The following WDFY3 variants were observed in gnomAD, a reference collection of about 807,000 sequenced individuals.
WDFY3 encodes WD repeat and FYVE domain containing 3.
Under a neutral mutation model 409.6 loss-of-function variants are expected in WDFY3, and 66 were observed. The observed-to-expected ratio is 0.16, with a 90% CI of 0.13 to 0.20. The LOEUF (loss-of-function observed/expected upper bound fraction) is 0.20. Among genes scored for constraint, WDFY3 ranks in the 10% least tolerant of loss-of-function variants. The pLI is 1.00. For synonymous variants in WDFY3, 1,521 were observed against 1,537.1 expected (o/e 0.99, Z 0.25); for missense variants, 3,031 against 4,298.1 (o/e 0.71, Z 8.24).
intron 27 of WDFY3, among the ~76,000 whole-genome samples, chr4:84,775,493 G>T (rs911594483): frequency 6.6e-6 from 1 of 151,460 alleles, no homozygotes; most frequent in Non-Finnish European, 1.5e-5. Flanking sequence ...ATACTGGACG[G>T]CATTAATAGT....
chr4:84,836,672 T>C (rs1756618235), intron 7 of WDFY3, among the ~76,000 whole-genome samples: 1 of 152,138 alleles, frequency 6.6e-6, no homozygotes, highest in African/African-American at 2.4e-5. Flanking sequence ...CATTCTGATA[T>C]ATCAAAAGTA....
chr4:84,860,191 G>C (rs1760408502), intron 4 of WDFY3, among the ~76,000 whole-genome samples: 1 of 152,132 alleles, frequency 6.6e-6, no homozygotes, highest in Non-Finnish European at 1.5e-5. Flanking sequence ...CACTTTATCT[G>C]TTAAAAATCA....
chr4:84,885,327 C>CATATGT (rs1764056101), intron 3 of WDFY3, among the ~76,000 whole-genome samples: 1 of 83,724 alleles, frequency 1.2e-5, no homozygotes, highest in South Asian at 5.0e-4. Context: ...CATACATATA[C>CATATGT]ATATGTGTGT....
At chr4:84,848,937 T>G (rs532161329) in intron 5 of WDFY3, among the ~76,000 whole-genome samples, 84 of 152,236 alleles carry the variant, frequency 5.5e-4, no homozygotes, top group African/African-American at 1.9e-3. Flanking sequence ...TCCTGGCAGC[T>G]GAAAGGTTGT....
intron 37 of WDFY3, among the ~76,000 whole-genome samples, chr4:84,743,005 T>G (rs761782208): frequency 5.3e-5 from 8 of 152,200 alleles, no homozygotes; most frequent in African/African-American, 1.7e-4. Flanking sequence ...AAAGTGTGAA[T>G]TGACTTGAGA....
intron 56 of WDFY3, among the ~76,000 whole-genome samples, chr4:84,697,485 T>G (rs1376549298): frequency 1.3e-5 from 2 of 152,240 alleles, no homozygotes; most frequent in Non-Finnish European, 2.9e-5. Flanking sequence ...AATAACATGT[T>G]GTGATAAAGC....
chr4:84,886,652 GGGAAGGAAGGAA>G (rs1764272033), intron 3 of WDFY3, among the ~76,000 whole-genome samples: 1 of 152,030 alleles, frequency 6.6e-6, no homozygotes, highest in Non-Finnish European at 1.5e-5. Context: ...TATTTAGAGA[GGGAAGGAAGGAA>G]GGGAGGAAGG....
intron 37 of WDFY3, 83 bp from the exon 38 acceptor site, chr4:84,742,004 A>C (rs1578323840): frequency 1.5e-6 from 2 of 1,325,314 alleles, no homozygotes; most frequent in East Asian, 2.5e-5. Flanking sequence ...AATCAGGCTA[A>C]GGTAAAATAA....
Position 84,757,183 on chromosome 4 carries a change from A to T in WDFY3, c.5189-22T>A, listed in dbSNP as rs751887587. The T allele has an allele frequency of 1.0e-5, 16 of 1,601,172 alleles. No individual in the cohort carries two copies. In the East Asian group the frequency reaches 3.6e-4, roughly 36 times the overall value. On this transcript the variant is annotated intron_variant, in intron 32 of 67. Transcript: ENST00000295888. ...AATCCTAAGAGAAGAGGAATATAAC[A>T]GTAAGTGCAAAATCAGCAACTGATA...
chr4:84,950,298 T>C (rs1390808215), intron 1 of WDFY3, among the ~76,000 whole-genome samples: 2 of 150,600 alleles, frequency 1.3e-5, no homozygotes, highest in African/African-American at 2.5e-5. Context: ...CCCTAATGCA[T>C]GAGGGGTTTA....
At chr4:84,735,199 C>T (rs1737233070) in intron 42 of WDFY3, 79 bp from the exon 43 acceptor site, 3 of 1,258,662 alleles carry the variant, frequency 2.4e-6, no homozygotes, top group Admixed American at 2.2e-5. Flanking sequence ...GAAATTAATG[C>T]TAAATAATTG....
chr4:84,764,736 G>T (rs1743322103), intron 32 of WDFY3, among the ~76,000 whole-genome samples: 1 of 151,884 alleles, frequency 6.6e-6, no homozygotes, highest in Admixed American at 6.6e-5. Flanking sequence ...GGGCGTGGTG[G>T]CAGGCGCCTG....
At chr4:84,811,707 C>T (rs992282625) in intron 13 of WDFY3, among the ~76,000 whole-genome samples, 1 of 152,016 alleles carries the variant, frequency 6.6e-6, no homozygotes, top group African/African-American at 2.4e-5. Context: ...CCAATCATCG[C>T]ATTTGAAAAA....
chr4:84,814,139 A>G (rs1752923015), intron 13 of WDFY3, among the ~76,000 whole-genome samples: 1 of 152,210 alleles, frequency 6.6e-6, no homozygotes, highest in African/African-American at 2.4e-5. Context: ...CCACTATGGC[A>G]TAAGGATTAT....
chr4:84,759,285 G>A lies in WDFY3; in HGVS notation c.5189-2124C>T, dbSNP rs148301667. ...TGGCTTAGGATTGACTTGGGGATGC[G>A]GGCTCTTTTTTGGTTCCATATGAAT... On this transcript the variant is annotated intron_variant, in intron 32 of 67. Transcript: ENST00000295888. Among the ~76,000 whole-genome samples, 1,017 of 152,134 alleles carry A rather than the reference G, an allele frequency of 6.7e-3. 11 individuals are homozygous for A. The highest frequency in any genetic ancestry group is 0.023 in the African/African-American group (946 of 41,492).
At chr4:84,892,129 G>A (rs1765038703) in intron 3 of WDFY3, among the ~76,000 whole-genome samples, 1 of 150,098 alleles carries the variant, frequency 6.7e-6, no homozygotes, top group Non-Finnish European at 1.5e-5. Flanking sequence ...GAGTTACAAA[G>A]GATGGCATTA....
At position 84,810,142 on chromosome 4, in the gene WDFY3, C is replaced by T. The variant is rs370543988; in HGVS notation, c.2090G>A (p.Arg697His). 8.1e-6 allele frequency: 13 copies of T among 1,614,120 alleles called. No individual in the cohort carries two copies. Among genetic ancestry groups the T allele is most frequent in the East Asian group, 4.5e-5 (2 of 44,882 alleles). ...TVFCTLTAAMRYEPANSHFFK... is the reference protein window; with the variant it reads ...TVFCTLTAAMHYEPANSHFFK... Reference sequence around the variant, plus strand: ...GAAATGAGAGTTGGCTGGCTCATAGCGCATTGCTGCAGTCAACGTGCAGAA... The same window carrying T: ...GAAATGAGAGTTGGCTGGCTCATAGTGCATTGCTGCAGTCAACGTGCAGAA... Residue 697 changes from arginine to histidine, a missense_variant, in exon 14 of 68, where the codon CGC becomes CAC. Transcript: ENST00000295888.
At chr4:84,721,348 T>C in intron 47 of WDFY3, 61 bp downstream of exon 47, 1 of 1,585,592 alleles carries the variant, frequency 6.3e-7, no homozygotes, top group Admixed American at 1.7e-5. Flanking sequence ...TATCAACTCA[T>C]CTTGTCTTAA....
intron 4 of WDFY3, among the ~76,000 whole-genome samples, chr4:84,857,325 A>G (rs1472252767): frequency 6.6e-6 from 1 of 152,196 alleles, no homozygotes; most frequent in Non-Finnish European, 1.5e-5. Context: ...AATAGTCATG[A>G]GATTCTTCTA....
Sources: allele counts gnomAD v4.1 joint callset (sites outside exome capture counted in the v4.1 genomes callset), GRCh38; gene constraint gnomAD v4.1.1; transcripts MANE v1.5; gene names NCBI Gene and HGNC (gene_info 2026-07-23, HGNC 2026-07-21).